RIN2: variants seen among roughly 807,000 people sequenced by gnomAD.
RIN2 encodes Ras and Rab interactor 2.
Under a neutral mutation model 78.0 loss-of-function variants are expected in RIN2, and 36 were observed. The ratio of observed to expected loss-of-function variants is 0.46; its 90% CI spans 0.35 to 0.61. RIN2 has a LOEUF of 0.61. Ranked by LOEUF, RIN2 falls within the 20% of genes least tolerant of loss-of-function variation. RIN2 has a pLI of 0.00. For synonymous variants in RIN2, 466 were observed against 466.8 expected (o/e 1.00, Z 0.02); for missense variants, 1,087 against 1,159.7 (o/e 0.94, Z 0.91).
At chr20:19,841,048 T>A (rs1043309036) in intron 2 of RIN2, among the ~76,000 whole-genome samples, 4 of 152,080 alleles carry the variant, frequency 2.6e-5, no homozygotes, top group African/African-American at 9.7e-5. Context: ...TCATTTTCAA[T>A]CCCTCGTTAA....
chr20:19,998,403 C>A (rs1391012366), intron 12 of RIN2, among the ~76,000 whole-genome samples: 1 of 152,060 alleles, frequency 6.6e-6, no homozygotes. Context: ...TGGAGACCAG[C>A]CTTGGCAACA....
intron 2 of RIN2, among the ~76,000 whole-genome samples, chr20:19,822,558 G>A (rs1470207804): frequency 1.3e-5 from 2 of 152,072 alleles, no homozygotes; most frequent in East Asian, 3.9e-4. Flanking sequence ...TCCGGTATTA[G>A]AATTACTTAC....
intron 3 of RIN2, among the ~76,000 whole-genome samples, chr20:19,927,655 T>A (rs1409127605): frequency 1.3e-5 from 2 of 152,006 alleles, no homozygotes; most frequent in Non-Finnish European, 2.9e-5. Flanking sequence ...GTTCAGGCAA[T>A]CTGCCCACCT....
At chr20:19,796,741 T>G (rs1432903609) in intron 1 of RIN2, among the ~76,000 whole-genome samples, 1 of 152,198 alleles carries the variant, frequency 6.6e-6, no homozygotes, top group African/African-American at 2.4e-5. Flanking sequence ...TGCTTAAAGC[T>G]TCACAGGTGT....
intron 2 of RIN2, among the ~76,000 whole-genome samples, chr20:19,877,123 A>G (rs755289695): frequency 1.4e-4 from 21 of 152,188 alleles, no homozygotes; most frequent in Non-Finnish European, 2.8e-4. Flanking sequence ...TAAAAGCATT[A>G]ACTTCTAACC....
intron 4 of RIN2, among the ~76,000 whole-genome samples, chr20:19,952,459 A>G (rs1479372833): frequency 6.6e-6 from 1 of 152,242 alleles, no homozygotes; most frequent in African/African-American, 2.4e-5. Context: ...ATAATATGCT[A>G]TAAACCTCAA....
intron 7 of RIN2, among the ~76,000 whole-genome samples, chr20:19,965,755 G>A (rs150352983): frequency 0.021 from 3,137 of 152,196 alleles, 41 homozygotes; most frequent in Non-Finnish European, 0.034. Flanking sequence ...GAGATTACAG[G>A]CGCCTACCAC....
intron 9 of RIN2, among the ~76,000 whole-genome samples, chr20:19,976,478 G>A (rs1234954134): frequency 6.6e-6 from 1 of 152,122 alleles, no homozygotes; most frequent in Non-Finnish European, 1.5e-5. Context: ...ATAGTTTGGA[G>A]GTCACATGAA....
intron 5 of RIN2, 82 bp from the exon 6 acceptor site, chr20:19,960,618 A>G (rs1568664827): frequency 9.7e-7 from 1 of 1,026,888 alleles, no homozygotes; most frequent in Non-Finnish European, 1.5e-6. Context: ...GATTCTATTC[A>G]TTGAGTGTGA....
chr20:19,760,168 C>G (rs892402174), intron 1 of RIN2, among the ~76,000 whole-genome samples: 3 of 152,194 alleles, frequency 2.0e-5, no homozygotes, highest in African/African-American at 7.2e-5. Context: ...TTTGGCACCT[C>G]CAGAGAGAGC....
intron 2 of RIN2, among the ~76,000 whole-genome samples, chr20:19,856,783 G>T (rs991645766): frequency 6.6e-6 from 1 of 152,064 alleles, no homozygotes; most frequent in Admixed American, 6.6e-5. Context: ...GCATTCCAGC[G>T]ACTGGTCATC....
At chr20:19,940,651 T>G (rs1242712957) in intron 4 of RIN2, among the ~76,000 whole-genome samples, 1 of 152,234 alleles carries the variant, frequency 6.6e-6, no homozygotes, top group African/African-American at 2.4e-5. Flanking sequence ...CTGCTTCCTC[T>G]CTTCCCACTG....
chr20:19,823,005 A>G (rs1293753177), intron 2 of RIN2, among the ~76,000 whole-genome samples: 1 of 152,224 alleles, frequency 6.6e-6, no homozygotes, highest in East Asian at 1.9e-4. Flanking sequence ...GCATTTATTA[A>G]TCATTTGTCA....
intron 9 of RIN2, among the ~76,000 whole-genome samples, chr20:19,989,419 G>A (rs1439153563): frequency 6.6e-6 from 1 of 151,778 alleles, no homozygotes; most frequent in Non-Finnish European, 1.5e-5. Context: ...GACTACAAGC[G>A]TGCACCACCA....
At chr20:19,931,318 C>T (rs954164560) in intron 3 of RIN2, among the ~76,000 whole-genome samples, 1 of 151,452 alleles carries the variant, frequency 6.6e-6, no homozygotes, top group East Asian at 2.0e-4. Context: ...TTTAAAAAAA[C>T]TTTTTATAGA....
Position 19,779,483 on chromosome 20 carries a change from G to A in RIN2, c.-162-20139G>A, listed in dbSNP as rs548556454. On this transcript the variant is annotated intron_variant, in intron 1 of 12. Coordinates refer to ENST00000255006, the MANE Select transcript of RIN2 (RefSeq NM_018993.4). ...CGGGTCACTAGAACTGTACCTCAGCGGGGTATAGCTAACTTGCTTAGGATC... is the reference window on the plus strand; with the variant it reads ...CGGGTCACTAGAACTGTACCTCAGCAGGGTATAGCTAACTTGCTTAGGATC... Among the ~76,000 whole-genome samples, 286 of 152,214 alleles carry A rather than the reference G, an allele frequency of 1.9e-3. 1 individual carries two copies. Among genetic ancestry groups the A allele is most frequent in the Non-Finnish European group, 8.1e-4 (55 of 68,012 alleles).
At chr20:19,859,694 C>G (rs554068132) in intron 2 of RIN2, among the ~76,000 whole-genome samples, 4 of 152,296 alleles carry the variant, frequency 2.6e-5, no homozygotes, top group Admixed American at 1.3e-4. Context: ...AGAGCCAGAT[C>G]CATTGATATA....
At chr20:19,848,473 T>C (rs1600608523) in intron 2 of RIN2, among the ~76,000 whole-genome samples, 1 of 148,068 alleles carries the variant, frequency 6.8e-6, no homozygotes, top group Non-Finnish European at 1.5e-5. Context: ...GAGTCGGAGG[T>C]TGCAGTGAGC....
chr20:19,791,008 C>T (rs1273171463), intron 1 of RIN2, among the ~76,000 whole-genome samples: 1 of 152,230 alleles, frequency 6.6e-6, no homozygotes, highest in Admixed American at 6.5e-5. Flanking sequence ...TCTGTCTAAA[C>T]TAAAATGCCT....
Sources: gnomAD v4.1 joint callset for allele counts (sites outside exome capture counted in the v4.1 genomes callset) on GRCh38, gnomAD v4.1.1 for gene constraint, MANE v1.5 for transcripts, NCBI Gene and HGNC (gene_info 2026-07-23, HGNC 2026-07-21) for gene names.